Variants in DNAJA1 observed in about 807,000 individuals in gnomAD.
DNAJA1 encodes dnaJ homolog subfamily A member 1.
Under a neutral mutation model 47.6 loss-of-function variants are expected in DNAJA1, and 26 were observed. The ratio of observed to expected loss-of-function variants is 0.55; its 90% CI spans 0.40 to 0.76. The LOEUF (loss-of-function observed/expected upper bound fraction) is 0.76. Among genes scored for constraint, DNAJA1 ranks in the 30% least tolerant of loss-of-function variants. DNAJA1 has a pLI of 0.00. For synonymous variants in DNAJA1, 165 were observed against 158.4 expected, an observed-to-expected ratio of 1.04 and a Z score of -0.31; for missense variants, 315 against 485.0, an observed-to-expected ratio of 0.65 and a Z score of 3.29.
rs374295982 is a variant in DNAJA1 at position 33,026,983 on chromosome 9, A to G, written c.303A>G (p.Glu101=). The G allele has an allele frequency of 1.9e-6, 3 of 1,614,108 alleles. No individual in the cohort carries two copies. Among genetic ancestry groups the G allele is most frequent in the Non-Finnish European group, 2.5e-6 (3 of 1,180,004 alleles). The stretch of plus-strand genomic sequence containing the variant: ...GAGGAGGAGGAAGGATGCAGAGAGA[A>G]AGGAGAGGTAAGAAGAATCTAGTCT... ...FFGGGGRMQR[E]RRGKNVVHQL... is the part of the protein sequence containing the mutation. The change falls in exon 3 of 9, where the codon GAA becomes GAG. Residue 101 remains glutamate (E), a synonymous_variant. Transcript: ENST00000330899.
At position 33,038,914 on chromosome 9, in the gene DNAJA1, A is replaced by G. The variant is rs745449469; in HGVS notation, c.*11A>G. On this transcript the variant is annotated 3_prime_UTR_variant, in exon 9 of 9. Coordinates refer to ENST00000330899, the MANE Select transcript of DNAJA1 (RefSeq NM_001539.4). The stretch of plus-strand genomic sequence containing the variant: ...TGTCAGACCTCTTAATGGGCCAGTG[A>G]ATAACACTCACTGCTGGCATTTAAT... 4.4e-6 allele frequency: 7 copies of G among 1,603,548 alleles called. No individual in the cohort carries two copies. In the South Asian group the frequency reaches 6.7e-5, roughly 15 times the overall value.
At position 33,034,239 on chromosome 9, in the gene DNAJA1, A is replaced by G; in HGVS notation, c.667A>G (p.Thr223Ala). ...AGGCATGAAAGATGGCCAGAAGATA[A>G]CATTCCATGGTGAAGGAGACCAAGA... ...DKGMKDGQKI[T>A]FHGEGDQEPG... is the part of the protein sequence containing the mutation. Residue 223 changes from threonine to alanine, a missense_variant, in exon 6 of 9, where the codon ACA (threonine) becomes GCA (alanine). By Grantham distance (58) the Thr-to-Ala change is moderately conservative (BLOSUM62 0). This residue lies in a region of DNAJA1 where 45 missense variants were observed against 93.3 expected (regional missense o/e 0.48). Coordinates refer to ENST00000330899, the MANE Select transcript of DNAJA1 (RefSeq NM_001539.4). 6.3e-7 allele frequency: 1 copy of G among 1,597,158 alleles called. No homozygotes were observed.
intron 6 of DNAJA1, among the ~76,000 whole-genome samples, chr9:33,035,601 C>T (rs1054877717): frequency 7.9e-5 from 12 of 152,010 alleles, no homozygotes; most frequent in Non-Finnish European, 1.6e-4. Context: ...TCCCGAGTAG[C>T]TGGGATTACA....
intron 5 of DNAJA1, among the ~76,000 whole-genome samples, chr9:33,032,464 C>G (rs1480191120): frequency 5.3e-5 from 8 of 152,158 alleles, no homozygotes; most frequent in Non-Finnish European, 1.2e-4. Context: ...TGCAGGTCCT[C>G]AAATAATGTC....
intron 5 of DNAJA1, 43 bp from the exon 6 acceptor site, chr9:33,034,173 T>G: frequency 1.5e-6 from 2 of 1,342,654 alleles, no homozygotes; most frequent in Non-Finnish European, 2.1e-6. Flanking sequence ...CTGACCTTAG[T>G]TGGATATTTA....
rs1839047936 is a variant in DNAJA1, at chr9:33,037,131, C to CT, written c.975+19dup. 6.2e-7 allele frequency: 1 copy of CT among 1,602,268 alleles called. No homozygotes were observed. Among genetic ancestry groups the CT allele is most frequent in the South Asian group, 1.1e-5 (1 of 89,502 alleles). On this transcript the variant is annotated intron_variant, in intron 8 of 8. Transcript: ENST00000330899. ...CGAATTTAAGGTAAGCTGTAATGTA[C>CT]TTTAAGAATACTTGAGAACAATTGG...
At chr9:33,027,607 A>C (rs1057419544) in intron 3 of DNAJA1, among the ~76,000 whole-genome samples, 1 of 151,466 alleles carries the variant, frequency 6.6e-6, no homozygotes, top group Non-Finnish European at 1.5e-5. Flanking sequence ...TAATCCCAGC[A>C]CTTTGGGAGG....
At chr9:33,027,876 T>C (rs1402195754) in intron 3 of DNAJA1, among the ~76,000 whole-genome samples, 1 of 151,070 alleles carries the variant, frequency 6.6e-6, no homozygotes, top group Non-Finnish European at 1.5e-5. Flanking sequence ...ATCCAAAAAT[T>C]AGCCAGGCAT....
At chr9:33,033,797 T>G (rs1314465834) in intron 5 of DNAJA1, among the ~76,000 whole-genome samples, 1 of 152,252 alleles carries the variant, frequency 6.6e-6, no homozygotes, top group Non-Finnish European at 1.5e-5. Context: ...TAATTTGATG[T>G]GTTATAAGTA....
intron 3 of DNAJA1, among the ~76,000 whole-genome samples, chr9:33,029,028 C>T (rs1432360886): frequency 1.3e-5 from 2 of 152,174 alleles, no homozygotes; most frequent in African/African-American, 2.4e-5. Context: ...TAGCAGGTGA[C>T]TTCATACTTC....
intron 8 of DNAJA1, 119 bp downstream of exon 8, chr9:33,037,234 G>A (rs1458243651): frequency 1.4e-6 from 1 of 732,044 alleles, no homozygotes; most frequent in African/African-American, 1.8e-5. Flanking sequence ...CATTTTGAGA[G>A]GCTGAGGCAG....
At chr9:33,037,309 TAAAAAAAC>T (rs1839051400) in intron 8 of DNAJA1, 194 bp downstream of exon 8, 3 of 308,740 alleles carry the variant, frequency 9.7e-6, no homozygotes, top group African/African-American at 2.4e-5. Context: ...CCTGTCTCTT[TAAAAAAAC>T]AAAAAAAAAA....
chr9:33,029,196 C>T (rs1461947164), intron 3 of DNAJA1, among the ~76,000 whole-genome samples: 1 of 152,204 alleles, frequency 6.6e-6, no homozygotes, highest in Non-Finnish European at 1.5e-5. Context: ...CATTTACATG[C>T]TCAATAAGCA....
chr9:33,026,068 T>C (rs1838833456), intron 1 of DNAJA1, among the ~76,000 whole-genome samples: 1 of 152,236 alleles, frequency 6.6e-6, no homozygotes, highest in South Asian at 2.1e-4. Flanking sequence ...CGTCTTTTTC[T>C]GGAGAGTATA....
Position 33,037,539 on chromosome 9 carries a change from A to G in DNAJA1, c.975+424A>G, listed in dbSNP as rs192870313. Among the ~76,000 whole-genome samples the G allele has an allele frequency of 2.0e-5, 3 of 152,146 alleles. No homozygotes were observed. The East Asian group carries it at 5.8e-4, about 29-fold the overall frequency. On this transcript the variant is annotated intron_variant, in intron 8 of 8. Transcript: ENST00000330899. ...TCTACAAAAAGTACAAAAATTAGCC[A>G]GGCATGGTGGCACACACCTGTAGTC...
chr9:33,029,573 T>G (rs1838928765), intron 3 of DNAJA1, among the ~76,000 whole-genome samples: 1 of 152,246 alleles, frequency 6.6e-6, no homozygotes, highest in East Asian at 1.9e-4. Context: ...ATGTGCCCTT[T>G]TAAATAACAT....
chr9:33,027,191 T>C (rs1838887601), intron 3 of DNAJA1, among the ~76,000 whole-genome samples: 1 of 150,412 alleles, frequency 6.6e-6, no homozygotes, highest in African/African-American at 2.4e-5. Context: ...GTTTCCCTCT[T>C]ATTGCCCAGG....
chr9:33,036,533 C>T lies in DNAJA1; in HGVS notation c.759-41C>T, dbSNP rs201357629. ...GCCTGCTTTGGTACATCTACTGATT[C>T]GTGATTTGAAAAATATAAATATGTG... On this transcript the variant is annotated intron_variant, in intron 6 of 8. Coordinates refer to ENST00000330899, the MANE Select transcript of DNAJA1 (RefSeq NM_001539.4). 77 of 1,384,380 alleles carry T rather than the reference C, an allele frequency of 5.6e-5. No homozygotes were observed. The Middle Eastern group carries it at 2.4e-3, about 42-fold the overall frequency. 85.8% of individuals were successfully genotyped at this position (1,384,380 alleles called of 1,614,324 possible).
At position 33,029,919 on chromosome 9, in the gene DNAJA1, A is replaced by G; in HGVS notation, c.345A>G (p.Leu115=). The G allele has an allele frequency of 1.2e-6, 2 of 1,612,672 alleles. No homozygotes were observed. Among genetic ancestry groups the G allele is most frequent in the East Asian group, 2.2e-5 (1 of 44,812 alleles). ...KNVVHQLSVT[L]EDLYNGATRK... ...TTGTACATCAGCTCTCAGTAACCCT[A>G]GAAGACTTATATAATGGTGCAACAA... The change falls in exon 4 of 9, where the codon CTA becomes CTG. Residue 115 remains leucine (L), a synonymous_variant. Coordinates refer to ENST00000330899, the MANE Select transcript of DNAJA1 (RefSeq NM_001539.4).
Sources: gnomAD v4.1 joint callset for allele counts (sites outside exome capture counted in the v4.1 genomes callset) on GRCh38, gnomAD v4.1.1 for gene constraint, gnomAD v4.1.1 regional missense constraint, MANE v1.5 for transcripts, NCBI Gene and HGNC (gene_info 2026-07-23, HGNC 2026-07-21) for gene names.